Variants in MMP26 observed in about 807,000 individuals in gnomAD.
MMP26 encodes matrix metalloproteinase-26.
MMP26 carries 33 observed loss-of-function variants against 31.0 expected under a neutral mutation model. The ratio of observed to expected loss-of-function variants is 1.06; its 90% CI spans 0.81 to 1.42. MMP26 has a LOEUF of 1.42. MMP26 is among the 40% of genes most tolerant of loss of function. The pLI is 0.00. For missense variants in MMP26, 347 were observed against 316.1 expected (o/e 1.10, Z -0.74); for synonymous variants, 122 against 114.9 (o/e 1.06, Z -0.40).
intron 2 of MMP26, among the ~76,000 whole-genome samples, chr11:4,816,513 T>G (rs867141418): frequency 6.8e-6 from 1 of 146,466 alleles, no homozygotes; most frequent in Non-Finnish European, 1.5e-5. Flanking sequence ...GTGAGATAAT[T>G]AAAAAAAAAA....
At chr11:4,819,751 A>G (rs1341411825) in intron 2 of MMP26, among the ~76,000 whole-genome samples, 2 of 151,414 alleles carry the variant, frequency 1.3e-5, no homozygotes, top group East Asian at 3.9e-4. Flanking sequence ...GCTAATTTGT[A>G]AACGTTTTTG....
intron 2 of MMP26, among the ~76,000 whole-genome samples, chr11:4,954,466 G>A (rs1846407830): frequency 8.5e-6 from 1 of 118,142 alleles, no homozygotes; most frequent in South Asian, 2.6e-4. Context: ...TAGATAACGA[G>A]GAATCCAACT....
At chr11:4,744,061 A>G (rs1848348513) in intron 1 of MMP26, among the ~76,000 whole-genome samples, 1 of 152,082 alleles carries the variant, frequency 6.6e-6, no homozygotes, top group Admixed American at 6.5e-5. Flanking sequence ...TTGGCCTCCA[A>G]AATGCTGGGA....
rs112646296 is a variant in MMP26, at chr11:4,725,528, T to C, written c.-217+20483T>C. Among the ~76,000 whole-genome samples, 258 of 152,370 alleles carry C rather than the reference T, an allele frequency of 1.7e-3. 2 individuals carry two copies. The highest frequency in any genetic ancestry group is 6.0e-3 in the African/African-American group (251 of 41,598). ...TGTTGAGAATTTCTTTTCTTTTTCTTTCTCTGATGTCAGAAAATTGTGATA... is the reference window on the plus strand; with the variant it reads ...TGTTGAGAATTTCTTTTCTTTTTCTCTCTCTGATGTCAGAAAATTGTGATA... On this transcript the variant is annotated intron_variant, in intron 1 of 7. Transcript: ENST00000380390.
At chr11:4,826,642 G>A (rs1849581743) in intron 2 of MMP26, among the ~76,000 whole-genome samples, 1 of 152,060 alleles carries the variant, frequency 6.6e-6, no homozygotes, top group Non-Finnish European at 1.5e-5. Flanking sequence ...ACCAGGAAGA[G>A]AAAAACCTCT....
chr11:4,716,907 C>T (rs1450807094), intron 1 of MMP26, among the ~76,000 whole-genome samples: 1 of 152,056 alleles, frequency 6.6e-6, no homozygotes, highest in East Asian at 1.9e-4. Context: ...AGTTGATCAC[C>T]TGCCTCGGCC....
At chr11:4,770,048 T>A in intron 2 of MMP26, 1 of 602,828 alleles carries the variant, frequency 1.7e-6, no homozygotes, top group Non-Finnish European at 3.0e-6. Context: ...ATAGATAAGA[T>A]CTGCATCATT....
At chr11:4,958,844 A>G (rs1846479956) in intron 2 of MMP26, among the ~76,000 whole-genome samples, 1 of 152,216 alleles carries the variant, frequency 6.6e-6, no homozygotes, top group South Asian at 2.1e-4. Flanking sequence ...AGGGTTAGTA[A>G]TAAACATACC....
chr11:4,906,783 A>G (rs1049475522), intron 2 of MMP26, among the ~76,000 whole-genome samples: 4 of 152,124 alleles, frequency 2.6e-5, no homozygotes, highest in Admixed American at 2.0e-4. Context: ...TGTTTTATAT[A>G]TTTTGCTAAA....
At chr11:4,822,306 T>A in intron 2 of MMP26, 1 of 1,522,968 alleles carries the variant, frequency 6.6e-7, no homozygotes. Context: ...TTATTTACAG[T>A]GTAAAGATTA....
At position 4,723,182 on chromosome 11, in the gene MMP26, A is replaced by G. The variant is rs1589883688; in HGVS notation, c.-217+18137A>G. ...CTCCCCACGCTGCTCGGCATCTGCG[A>G]TGGCGGCCTCCAGGGAAGCCCTCTG... On this transcript the variant is annotated intron_variant, in intron 1 of 7. Transcript: ENST00000380390. 5 of 1,589,118 alleles carry G rather than the reference A, an allele frequency of 3.1e-6. No individual in the cohort carries two copies. The East Asian group carries it at 1.1e-4, about 36-fold the overall frequency.
intron 2 of MMP26, among the ~76,000 whole-genome samples, chr11:4,782,471 G>T (rs1848877810): frequency 6.6e-6 from 1 of 152,196 alleles, no homozygotes; most frequent in Admixed American, 6.5e-5. Flanking sequence ...GGAGACTTGG[G>T]TGCTGCTGAA....
intron 1 of MMP26, among the ~76,000 whole-genome samples, chr11:4,751,633 G>A (rs1209917061): frequency 6.6e-6 from 1 of 152,066 alleles, no homozygotes; most frequent in Admixed American, 6.6e-5. Flanking sequence ...AATTGTTGAG[G>A]AAATTACCAT....
intron 2 of MMP26, among the ~76,000 whole-genome samples, chr11:4,934,857 C>G (rs1484366364): frequency 1.3e-5 from 2 of 150,870 alleles, no homozygotes; most frequent in Non-Finnish European, 3.0e-5. Flanking sequence ...GCTTGTTTTT[C>G]TCAGGTTTGT....
chr11:4,808,760 C>CT (rs11335702), intron 2 of MMP26, among the ~76,000 whole-genome samples: 9,812 of 142,350 alleles, frequency 0.069, 640 homozygotes, highest in African/African-American at 0.18. Flanking sequence ...CTCAGATTTT[C>CT]TTTTTTTTTT....
chr11:4,897,788 C>T (rs2133555403), intron 2 of MMP26, among the ~76,000 whole-genome samples: 1 of 151,426 alleles, frequency 6.6e-6, no homozygotes, highest in South Asian at 2.1e-4. Flanking sequence ...AATGTGCTTC[C>T]ATTTAACTCA....
intron 2 of MMP26, among the ~76,000 whole-genome samples, chr11:4,864,924 T>C (rs1014831604): frequency 2.3e-4 from 35 of 152,224 alleles, no homozygotes; most frequent in African/African-American, 8.4e-4. Flanking sequence ...GTAAAAAGAA[T>C]AGAGTTCGTG....
At chr11:4,873,003 C>G (rs925911938) in intron 2 of MMP26, among the ~76,000 whole-genome samples, 3 of 152,042 alleles carry the variant, frequency 2.0e-5, no homozygotes, top group African/African-American at 7.2e-5. Flanking sequence ...TCCATGTGTT[C>G]TTTGCTAAAG....
At chr11:4,957,513 C>T (rs1274908526) in intron 2 of MMP26, among the ~76,000 whole-genome samples, 4 of 151,924 alleles carry the variant, frequency 2.6e-5, no homozygotes, top group African/African-American at 9.7e-5. Context: ...TTATTCCTTT[C>T]GTCCTTTCCC....
Sources: allele counts gnomAD v4.1 joint callset (sites outside exome capture counted in the v4.1 genomes callset), GRCh38; gene constraint gnomAD v4.1.1; transcripts MANE v1.5; gene names NCBI Gene and HGNC (gene_info 2026-07-23, HGNC 2026-07-21).